KIAA1549: variants seen among roughly 807,000 people sequenced by gnomAD.
KIAA1549 encodes the protein KIAA1549, also known as UPF0606 protein KIAA1549.
In KIAA1549, 70 loss-of-function variants were observed where a neutral mutation model predicts 156.4. The observed-to-expected ratio is 0.45, with a 90% CI of 0.37 to 0.55. The LOEUF (loss-of-function observed/expected upper bound fraction) is 0.55, where lower values mean the gene tolerates loss of function less well. KIAA1549 is among the 20% of genes least tolerant of loss of function. The pLI is 0.00. For missense variants in KIAA1549, 2,428 were observed against 2,540.9 expected, an observed-to-expected ratio of 0.96 and a Z score of 0.96; for synonymous variants, 1,103 against 1,066.4, an observed-to-expected ratio of 1.03 and a Z score of -0.67.
At chr7:138,892,843 T>C (rs1003007471) in intron 10 of KIAA1549, among the ~76,000 whole-genome samples, 2 of 152,208 alleles carry the variant, frequency 1.3e-5, no homozygotes, top group African/African-American at 2.4e-5. Flanking sequence ...TAAAAATAAA[T>C]AGGGCAATCT....
chr7:138,883,856 C>T (rs1811316487), intron 10 of KIAA1549, among the ~76,000 whole-genome samples: 1 of 152,208 alleles, frequency 6.6e-6, no homozygotes, highest in Non-Finnish European at 1.5e-5. Flanking sequence ...CTTCTCTGGT[C>T]TTCATCCCAG....
intron 1 of KIAA1549, among the ~76,000 whole-genome samples, chr7:138,953,846 C>T (rs1454356274): frequency 6.6e-6 from 1 of 152,154 alleles, no homozygotes; most frequent in African/African-American, 2.4e-5. Flanking sequence ...CATTCTAAGA[C>T]CTGTTCTTTC....
intron 1 of KIAA1549, among the ~76,000 whole-genome samples, chr7:138,921,827 T>C (rs1334535427): frequency 1.3e-5 from 2 of 151,726 alleles, no homozygotes; most frequent in Admixed American, 1.3e-4. Flanking sequence ...ATTGCACCAC[T>C]GCACTCCAGC....
intron 1 of KIAA1549, among the ~76,000 whole-genome samples, chr7:138,935,272 C>T (rs1812977252): frequency 6.6e-6 from 1 of 152,184 alleles, no homozygotes; most frequent in Non-Finnish European, 1.5e-5. Flanking sequence ...GCATGACTTT[C>T]TCATTTGAGG....
intron 1 of KIAA1549, among the ~76,000 whole-genome samples, chr7:138,948,361 C>T (rs984109006): frequency 6.6e-6 from 1 of 152,198 alleles, no homozygotes; most frequent in Admixed American, 6.5e-5. Flanking sequence ...CGGCTACAGG[C>T]CAAGGAGTGC....
At chr7:138,875,784 AAC>A (rs1238811564) in intron 12 of KIAA1549, among the ~76,000 whole-genome samples, 1 of 152,140 alleles carries the variant, frequency 6.6e-6, no homozygotes, top group Non-Finnish European at 1.5e-5. Context: ...TCTACAAGTA[AAC>A]ACAGTCAAAC....
Position 138,909,171 on chromosome 7 carries a change from GA to G in KIAA1549, c.3146-51del, listed in dbSNP as rs370332924. On this transcript the variant is annotated intron_variant, in intron 4 of 19. Coordinates refer to ENST00000422774, the MANE Select transcript of KIAA1549 (RefSeq NM_001164665.2). ...CCATAAATGAGGTGTTTGTGCTTCT[GA>G]AGTATTAAGGAATCAAGAGAGAGAA... The G allele has an allele frequency of 2.0e-3, 3,079 of 1,567,704 alleles. 78 individuals are homozygous for G. The South Asian group carries it at 0.034, about 17-fold the overall frequency.
intron 15 of KIAA1549, among the ~76,000 whole-genome samples, chr7:138,862,260 C>A (rs1444654557): frequency 6.6e-6 from 1 of 151,926 alleles, no homozygotes; most frequent in Non-Finnish European, 1.5e-5. Flanking sequence ...CTTGGGAGAC[C>A]AAGGCAGGAA....
chr7:138,841,272 GTATC>G (rs1436194030), intron 18 of KIAA1549, among the ~76,000 whole-genome samples: 1 of 152,028 alleles, frequency 6.6e-6, no homozygotes, highest in African/African-American at 2.4e-5. Flanking sequence ...GGCAGAATAC[GTATC>G]TATTTAAATT....
intron 4 of KIAA1549, among the ~76,000 whole-genome samples, chr7:138,910,700 A>ATTTTTTTTTTT (rs10686011): frequency 1.8e-5 from 2 of 112,028 alleles, no homozygotes; most frequent in Admixed American, 9.8e-5. Context: ...ACTTGGTCTA[A>ATTTTTTTTTTT]TTTTTTTTTT....
At chr7:138,865,637 G>C (rs1440615359) in intron 15 of KIAA1549, among the ~76,000 whole-genome samples, 2 of 152,172 alleles carry the variant, frequency 1.3e-5, no homozygotes, top group Non-Finnish European at 2.9e-5. Flanking sequence ...CAGCCTCTGG[G>C]GTGGTGTCTT....
chr7:138,916,701 T>A, intron 2 of KIAA1549, 47 bp downstream of exon 2: 1 of 1,601,772 alleles, frequency 6.2e-7, no homozygotes, highest in African/African-American at 1.3e-5. Context: ...ACAAGCTCCT[T>A]AGAAAGATTG....
intron 2 of KIAA1549, among the ~76,000 whole-genome samples, chr7:138,913,730 C>T (rs1345329085): frequency 6.6e-6 from 1 of 152,038 alleles, no homozygotes; most frequent in Non-Finnish European, 1.5e-5. Context: ...GGAACAAATC[C>T]ACAGCCCCAA....
intron 9 of KIAA1549, among the ~76,000 whole-genome samples, chr7:138,895,193 A>T (rs1811650465): frequency 6.6e-6 from 1 of 152,376 alleles, no homozygotes; most frequent in East Asian, 1.9e-4. Context: ...GAAATGATCA[A>T]GTAAATGAAT....
chr7:138,844,275 T>C, intron 18 of KIAA1549, 42 bp downstream of exon 18: 1 of 1,612,030 alleles, frequency 6.2e-7, no homozygotes, highest in Non-Finnish European at 8.5e-7. Context: ...TTCAAGTAAA[T>C]GTCCCGTAGC....
At chr7:138,910,530 T>G (rs1223847187) in intron 4 of KIAA1549, among the ~76,000 whole-genome samples, 2 of 151,496 alleles carry the variant, frequency 1.3e-5, no homozygotes, top group African/African-American at 4.9e-5. Flanking sequence ...CCCAAGTCAC[T>G]GGGATTACAG....
chr7:138,859,841 T>C (rs1351114082), intron 16 of KIAA1549, among the ~76,000 whole-genome samples: 3 of 152,216 alleles, frequency 2.0e-5, no homozygotes, highest in Non-Finnish European at 4.4e-5. Flanking sequence ...GCCTGTCCCA[T>C]ACACTTTAAT....
At chr7:138,885,803 A>T (rs1342902272) in intron 10 of KIAA1549, among the ~76,000 whole-genome samples, 2 of 152,202 alleles carry the variant, frequency 1.3e-5, no homozygotes, top group Non-Finnish European at 2.9e-5. Flanking sequence ...CTAGCAAATT[A>T]ATCAAACCCA....
At position 138,833,474 on chromosome 7, in the gene KIAA1549, C is replaced by A. The variant is rs1020993515; in HGVS notation, c.*4432G>T. The A allele has an allele frequency of 1.7e-5, 4 of 232,580 alleles. No individual in the cohort carries two copies. The South Asian group carries it at 5.4e-4, about 32-fold the overall frequency. The allele number at this position is 232,580 out of a possible 1,614,324, so 14.4% of individuals were successfully genotyped here. A position where few individuals can be genotyped will look rare whatever the true frequency, so the allele number is the denominator to read the frequency against. ...CACAGAACCGCGTGCTGGCTTTAGC[C>A]CAAAGCCTTTAGCGCCTACCTTCAC... is the stretch of plus-strand genomic sequence containing the variant. On this transcript the variant is annotated 3_prime_UTR_variant, in exon 20 of 20. Coordinates refer to ENST00000422774, the MANE Select transcript of KIAA1549 (RefSeq NM_001164665.2).
Sources: allele counts gnomAD v4.1 joint callset (sites outside exome capture counted in the v4.1 genomes callset), GRCh38; gene constraint gnomAD v4.1.1; transcripts MANE v1.5; gene names NCBI Gene and HGNC (gene_info 2026-07-23, HGNC 2026-07-21).